Variants in CTNNA3 observed in about 807,000 individuals in gnomAD.
CTNNA3 encodes the protein catenin alpha 3, also known as catenin alpha-3.
A neutral mutation model predicts 95.7 loss-of-function variants in CTNNA3; 76 were observed. The ratio of observed to expected loss-of-function variants is 0.79; its 90% CI spans 0.66 to 0.96. The LOEUF is 0.96. CTNNA3 is among the 40% of genes least tolerant of loss of function. The pLI is 0.00. For synonymous variants in CTNNA3, 431 were observed against 374.4 expected, an observed-to-expected ratio of 1.15 and a Z score of -1.74; for missense variants, 1,191 against 1,089.8, an observed-to-expected ratio of 1.09 and a Z score of -1.31.
chr10:66,278,526 G>T (rs1000321024), intron 13 of CTNNA3, among the ~76,000 whole-genome samples: 11 of 151,980 alleles, frequency 7.2e-5, no homozygotes, highest in African/African-American at 2.7e-4. Context: ...ACAATAAATT[G>T]TTCTCCTGCC....
chr10:67,482,551 G>T (rs902412192), intron 5 of CTNNA3, among the ~76,000 whole-genome samples: 2 of 152,016 alleles, frequency 1.3e-5, no homozygotes, highest in African/African-American at 4.8e-5. Context: ...CTCTCTGTTT[G>T]TCTGTTATTG....
At chr10:66,961,901 G>A (rs78801677) in intron 7 of CTNNA3, among the ~76,000 whole-genome samples, 9,273 of 152,086 alleles carry the variant, frequency 0.061, 393 homozygotes, top group Middle Eastern at 0.13. Flanking sequence ...AATGTTTGAA[G>A]TCATTCTTGA....
chr10:67,181,591 T>C (rs1862547515), intron 6 of CTNNA3, among the ~76,000 whole-genome samples: 1 of 152,154 alleles, frequency 6.6e-6, no homozygotes, highest in Non-Finnish European at 1.5e-5. Context: ...CTTCCTAGTA[T>C]ATAATCTTAT....
intron 5 of CTNNA3, among the ~76,000 whole-genome samples, chr10:67,362,729 C>T (rs1409274723): frequency 6.7e-6 from 1 of 149,976 alleles, no homozygotes; most frequent in Non-Finnish European, 1.5e-5. Flanking sequence ...TACTCATTTT[C>T]AACACAGTAC....
chr10:66,446,370 A>G (rs1479282649), intron 11 of CTNNA3, among the ~76,000 whole-genome samples: 1 of 139,064 alleles, frequency 7.2e-6, no homozygotes, highest in African/African-American at 2.7e-5. Context: ...AGACACAACC[A>G]AAAAAGGTAA....
intron 7 of CTNNA3, among the ~76,000 whole-genome samples, chr10:67,005,682 C>CTTTTTTTGTTTTTTTT: frequency 1.6e-5 from 1 of 61,976 alleles, no homozygotes; most frequent in Non-Finnish European, 2.9e-5. Flanking sequence ...TTTACTCCAT[C>CTTTTTTTGTTTTTTTT]TTTTTTTTTT....
At chr10:66,665,072 G>A (rs1249484010) in intron 9 of CTNNA3, among the ~76,000 whole-genome samples, 2 of 152,024 alleles carry the variant, frequency 1.3e-5, no homozygotes, top group Non-Finnish European at 2.9e-5. Context: ...TAAGAAAACA[G>A]GTCAGACAGG....
At chr10:66,452,063 C>T (rs754316186) in intron 11 of CTNNA3, among the ~76,000 whole-genome samples, 56 of 152,270 alleles carry the variant, frequency 3.7e-4, no homozygotes, top group Non-Finnish European at 6.8e-4. Flanking sequence ...CCTTTGGTTA[C>T]CTAGTTTTGC....
intron 1 of CTNNA3, among the ~76,000 whole-genome samples, chr10:67,701,972 A>G (rs1383290018): frequency 6.6e-6 from 1 of 152,232 alleles, no homozygotes; most frequent in Non-Finnish European, 1.5e-5. Context: ...CAGGGGTTGC[A>G]ATCTTAGTCT....
intron 2 of CTNNA3, among the ~76,000 whole-genome samples, chr10:67,613,448 G>A (rs985241952): frequency 1.3e-5 from 2 of 151,896 alleles, no homozygotes; most frequent in South Asian, 2.1e-4. Flanking sequence ...TGATTCATAC[G>A]AGGTTACCAA....
At chr10:66,222,002 A>G (rs2088958978) in intron 13 of CTNNA3, among the ~76,000 whole-genome samples, 1 of 152,142 alleles carries the variant, frequency 6.6e-6, no homozygotes, top group African/African-American at 2.4e-5. Flanking sequence ...CATTTTTATG[A>G]CTTAGGTTAT....
At chr10:66,073,009 G>A (rs2080473342) in intron 14 of CTNNA3, among the ~76,000 whole-genome samples, 1 of 152,082 alleles carries the variant, frequency 6.6e-6, no homozygotes, top group Admixed American at 6.6e-5. Flanking sequence ...ATTATGTTAA[G>A]TGAAATAACC....
At chr10:66,925,021 G>C (rs1262554010) in intron 7 of CTNNA3, among the ~76,000 whole-genome samples, 4 of 152,118 alleles carry the variant, frequency 2.6e-5, no homozygotes, top group African/African-American at 9.7e-5. Context: ...AATAGAACAA[G>C]CAAGAATTTG....
At chr10:67,544,085 T>C (rs112179964) in intron 3 of CTNNA3, among the ~76,000 whole-genome samples, 2,357 of 152,198 alleles carry the variant, frequency 0.015, 71 homozygotes, top group African/African-American at 0.054. Context: ...GGACCCAAGG[T>C]TGGGTGCTAC....
At chr10:66,433,864 T>C (rs2093317182) in intron 11 of CTNNA3, among the ~76,000 whole-genome samples, 1 of 152,224 alleles carries the variant, frequency 6.6e-6, no homozygotes, top group Non-Finnish European at 1.5e-5. Flanking sequence ...TGCACATGGC[T>C]AGCCAGTTTT....
At chr10:67,161,621 CAGAG>C (rs1564933141) in intron 7 of CTNNA3, among the ~76,000 whole-genome samples, 1 of 151,618 alleles carries the variant, frequency 6.6e-6, no homozygotes, top group African/African-American at 2.4e-5. Flanking sequence ...AAATTAAAAA[CAGAG>C]GGAACAAACA....
At chr10:67,543,717 T>C (rs1840752815) in intron 3 of CTNNA3, among the ~76,000 whole-genome samples, 1 of 152,148 alleles carries the variant, frequency 6.6e-6, no homozygotes, top group African/African-American at 2.4e-5. Context: ...ACATATAACA[T>C]GCATTAGTAC....
chr10:66,884,483 T>A (rs1476973203), intron 7 of CTNNA3, among the ~76,000 whole-genome samples: 1 of 152,060 alleles, frequency 6.6e-6, no homozygotes, highest in Non-Finnish European at 1.5e-5. Context: ...ACAAACCCCA[T>A]GGGGAGACCC....
chr10:66,825,114 A>G (rs1417478586), intron 7 of CTNNA3, among the ~76,000 whole-genome samples: 2 of 151,022 alleles, frequency 1.3e-5, no homozygotes, highest in Admixed American at 1.3e-4. Flanking sequence ...GCCCTTACAA[A>G]TGGCCACATA....
Sources: gnomAD v4.1 joint callset for allele counts (sites outside exome capture counted in the v4.1 genomes callset) on GRCh38, gnomAD v4.1.1 for gene constraint, MANE v1.5 for transcripts, NCBI Gene and HGNC (gene_info 2026-07-23, HGNC 2026-07-21) for gene names.